Variants in LRRFIP2 observed in about 807,000 individuals in gnomAD.
LRRFIP2 encodes LRR binding FLII interacting protein 2, also known as leucine-rich repeat flightless-interacting protein 2.
Under a neutral mutation model 125.9 loss-of-function variants are expected in LRRFIP2, and 109 were observed. The ratio of observed to expected loss-of-function variants is 0.87; its 90% CI spans 0.74 to 1.01. LRRFIP2 has a LOEUF of 1.01. Ranked by LOEUF, LRRFIP2 falls within the 50% of genes least tolerant of loss-of-function variation. The pLI is 0.00. For synonymous variants in LRRFIP2, 291 were observed against 293.1 expected, an observed-to-expected ratio of 0.99 and a Z score of 0.07; for missense variants, 850 against 862.3, an observed-to-expected ratio of 0.99 and a Z score of 0.18.
At chr3:37,077,197 A>G (rs1407135738) in intron 19 of LRRFIP2, among the ~76,000 whole-genome samples, 1 of 152,194 alleles carries the variant, frequency 6.6e-6, no homozygotes, top group Non-Finnish European at 1.5e-5. Context: ...TCATAGATAC[A>G]TTGGCAAAAA....
chr3:37,077,443 T>G (rs1334621457), intron 19 of LRRFIP2, among the ~76,000 whole-genome samples: 1 of 152,190 alleles, frequency 6.6e-6, no homozygotes, highest in Non-Finnish European at 1.5e-5. Flanking sequence ...GCTACTATTT[T>G]CTAAGAAGAG....
In LRRFIP2 at chr3:37,095,719, T is replaced by C. The variant is rs2093683405; in HGVS notation, c.919-811A>G. Among the ~76,000 whole-genome samples the C allele has an allele frequency of 2.6e-5, 4 of 152,202 alleles. No homozygotes were observed. In the South Asian group the frequency reaches 6.2e-4, roughly 24 times the overall value. ...CACAATCTTGGCTCACTGCAACCTCTACCTCCTGGGTTCAGGCAATTTTAA... is the reference window on the plus strand; with the variant it reads ...CACAATCTTGGCTCACTGCAACCTCCACCTCCTGGGTTCAGGCAATTTTAA... On this transcript the variant is annotated intron_variant, in intron 16 of 27. Coordinates refer to ENST00000336686, the MANE Select transcript of LRRFIP2 (RefSeq NM_006309.4).
chr3:37,129,206 C>A (rs552073265), intron 2 of LRRFIP2, 57 bp from the exon 3 acceptor site: 1 of 1,475,940 alleles, frequency 6.8e-7, no homozygotes, highest in Non-Finnish European at 9.4e-7. Context: ...AACCTGTACA[C>A]CAGATTTGAA....
chr3:37,145,851 A>G lies in LRRFIP2; in HGVS notation c.90+3043T>C, dbSNP rs534123449. On this transcript the variant is annotated intron_variant, in intron 2 of 27. Transcript: ENST00000336686. Reference sequence around the variant, plus strand: ...TCAGAGTCTGAATCCTGGCTCTACTATTTCCTAGCTACGTAACCTTGGGGA... The same window carrying G: ...TCAGAGTCTGAATCCTGGCTCTACTGTTTCCTAGCTACGTAACCTTGGGGA... 8.5e-5 allele frequency among the ~76,000 whole-genome samples: 13 copies of G among 152,326 alleles called. No homozygotes were observed. In the East Asian group the frequency reaches 2.5e-3, roughly 29 times the overall value.
rs778950126 is a variant in LRRFIP2, at chr3:37,144,944, C to CA, written c.90+3949dup. Among the ~76,000 whole-genome samples the CA allele has an allele frequency of 1.9e-4, 29 of 152,140 alleles. 1 individual carries two copies. The highest frequency in any genetic ancestry group is 4.0e-4 in the Non-Finnish European group (27 of 68,020). On this transcript the variant is annotated intron_variant, in intron 2 of 27. Transcript: ENST00000336686. ...ATGACTAACTCAGGTAGCAAAGACTCAGAGTTCACTGTGTTTAATTTTGTT... is the reference window on the plus strand; with the variant it reads ...ATGACTAACTCAGGTAGCAAAGACTCAAGAGTTCACTGTGTTTAATTTTGTT...
intron 24 of LRRFIP2, 77 bp downstream of exon 24, chr3:37,063,665 T>TTTA: frequency 9.5e-7 from 1 of 1,048,492 alleles, no homozygotes; most frequent in Non-Finnish European, 1.5e-6. Context: ...ATTTTTTTAA[T>TTTA]GAACATTTCA....
intron 1 of LRRFIP2, among the ~76,000 whole-genome samples, chr3:37,160,233 G>T (rs1284120514): frequency 1.3e-5 from 2 of 151,920 alleles, no homozygotes; most frequent in Non-Finnish European, 2.9e-5. Flanking sequence ...TGAAATGTGG[G>T]ACTGCTTCAG....
At chr3:37,137,744 T>C (rs1365627903) in intron 2 of LRRFIP2, among the ~76,000 whole-genome samples, 1 of 152,162 alleles carries the variant, frequency 6.6e-6, no homozygotes, top group Non-Finnish European at 1.5e-5. Flanking sequence ...TCTACCAAAA[T>C]AAACACTTAC....
chr3:37,052,632 AC>A lies in LRRFIP2; in HGVS notation c.*1218del, dbSNP rs1442692019. On this transcript the variant is annotated 3_prime_UTR_variant, in exon 28 of 28. Transcript: ENST00000336686. ...AAATGAAGGGCTAATTAAAAAAGGA[AC>A]AAATATTAGAGATTTTATTCACTTT... 2.0e-5 allele frequency: 3 copies of A among 152,232 alleles called. No individual in the cohort carries two copies. The highest frequency in any genetic ancestry group is 4.4e-5 in the Non-Finnish European group (3 of 68,044). 9.4% of individuals were successfully genotyped at this position (152,232 alleles called of 1,614,324 possible). A position where few individuals can be genotyped will look rare whatever the true frequency, so the allele number is the denominator to read the frequency against.
At chr3:37,150,279 A>G (rs1217562239) in intron 1 of LRRFIP2, among the ~76,000 whole-genome samples, 2 of 152,130 alleles carry the variant, frequency 1.3e-5, no homozygotes, top group South Asian at 2.1e-4. Context: ...CCTGACCAAC[A>G]TGGTGAAACC....
At chr3:37,105,868 G>A (rs1183068697) in intron 13 of LRRFIP2, among the ~76,000 whole-genome samples, 1 of 152,110 alleles carries the variant, frequency 6.6e-6, no homozygotes, top group African/African-American at 2.4e-5. Flanking sequence ...AGTTCAAGAT[G>A]AACCTGACCA....
At chr3:37,080,926 G>C (rs148405181) in intron 19 of LRRFIP2, among the ~76,000 whole-genome samples, 51 of 152,202 alleles carry the variant, frequency 3.4e-4, no homozygotes, top group African/African-American at 1.2e-3. Flanking sequence ...ACATTGATTA[G>C]ATATATAATA....
intron 1 of LRRFIP2, among the ~76,000 whole-genome samples, chr3:37,165,849 GAA>G (rs1317213945): frequency 2.8e-5 from 4 of 144,782 alleles, no homozygotes; most frequent in Non-Finnish European, 6.1e-5. Context: ...AAGAAAGAAA[GAA>G]AGAAAGAGAA....
intron 1 of LRRFIP2, among the ~76,000 whole-genome samples, chr3:37,160,997 T>C (rs985149701): frequency 3.3e-5 from 5 of 151,798 alleles, no homozygotes; most frequent in African/African-American, 1.2e-4. Context: ...AGCTGATGAA[T>C]GGATAAGCAA....
In LRRFIP2 at chr3:37,108,678, A is replaced by G. The variant is rs140567943; in HGVS notation, c.616T>C (p.Leu206=). The G allele has an allele frequency of 2.6e-5, 42 of 1,608,892 alleles. No individual in the cohort carries two copies. The highest frequency in any genetic ancestry group is 4.0e-5 in the African/African-American group (3 of 74,800). ...GLLRSASLAS[L]YNGGLYNPYG... The stretch of plus-strand genomic sequence containing the variant: ...GGGTTATATAATCCACCATTGTACA[A>G]TGATGCCTAAGGAACAAAGGAAATA... The change falls in exon 12 of 28, where the codon TTG becomes CTG. Residue 206 remains leucine, a synonymous_variant. Transcript: ENST00000336686.
chr3:37,108,810 G>A (rs771009951), intron 11 of LRRFIP2, 126 bp from the exon 12 acceptor site: 2 of 642,002 alleles, frequency 3.1e-6, no homozygotes, highest in Non-Finnish European at 5.3e-6. Context: ...TAGCCTCCCA[G>A]AATGAAAACC....
chr3:37,058,116 G>A (rs2087451792), intron 25 of LRRFIP2, among the ~76,000 whole-genome samples: 1 of 152,164 alleles, frequency 6.6e-6, no homozygotes, highest in Non-Finnish European at 1.5e-5. Context: ...AAACTTTAAT[G>A]GGGAAGGGTG....
At chr3:37,129,732 C>T (rs2095377752) in intron 2 of LRRFIP2, among the ~76,000 whole-genome samples, 1 of 152,190 alleles carries the variant, frequency 6.6e-6, no homozygotes. Flanking sequence ...GTGGCTCAGG[C>T]CTGTAATCCC....
intron 25 of LRRFIP2, 90 bp downstream of exon 25, chr3:37,058,700 T>A: frequency 7.4e-7 from 1 of 1,355,916 alleles, no homozygotes; most frequent in South Asian, 1.3e-5. Context: ...AAGAAAAGTG[T>A]ATTACAAGAT....
Sources: allele counts gnomAD v4.1 joint callset (sites outside exome capture counted in the v4.1 genomes callset), GRCh38; gene constraint gnomAD v4.1.1; transcripts MANE v1.5; gene names NCBI Gene and HGNC (gene_info 2026-07-23, HGNC 2026-07-21).